Variants in RBPJ observed in about 807,000 individuals in gnomAD.
RBPJ encodes the protein recombining binding protein suppressor of hairless.
Under a neutral mutation model 67.8 loss-of-function variants are expected in RBPJ, and 9 were observed. That is an observed-to-expected ratio of 0.13 (90% confidence interval 0.08 to 0.23). The LOEUF is 0.23. Among genes scored for constraint, RBPJ ranks in the 10% least tolerant of loss-of-function variants. The pLI, the probability that RBPJ is intolerant of heterozygous loss-of-function variation, is 1.00. For missense variants in RBPJ, 305 were observed against 595.6 expected (o/e 0.51, Z 5.08); for synonymous variants, 198 against 203.3 (o/e 0.97, Z 0.22).
Position 26,231,796 on chromosome 4 carries a change from G to T in RBPJ, c.-167+68182G>T, listed in dbSNP as rs548061984. ...ACTCGTGACCTCAGGTGATCCACTC[G>T]CCTCAGCCTCCCAAAATGCTGGGAT... On this transcript the variant is annotated intron_variant, in intron 1 of 4. Transcript: ENST00000512351. 9.2e-5 allele frequency among the ~76,000 whole-genome samples: 14 copies of T among 151,838 alleles called. No individual in the cohort carries two copies. The South Asian group carries it at 2.9e-3, about 32-fold the overall frequency.
the RBPJ span, among the ~76,000 whole-genome samples, chr4:26,147,570 CAG>C: frequency 6.6e-6 from 1 of 152,166 alleles, no homozygotes. Flanking sequence ...GTTCAAATTT[CAG>C]AGAGTGAAAC....
intron 1 of RBPJ, among the ~76,000 whole-genome samples, chr4:26,221,177 G>A (rs1181368830): frequency 2.0e-5 from 3 of 152,180 alleles, no homozygotes; most frequent in African/African-American, 4.8e-5. Context: ...TGCAACCTCC[G>A]CCTCCTGGGT....
At chr4:26,121,928 T>C in the RBPJ span, among the ~76,000 whole-genome samples, 4 of 149,634 alleles carry the variant, frequency 2.7e-5, no homozygotes, top group African/African-American at 9.9e-5. Flanking sequence ...TTTTTCTTTT[T>C]AGGTAGTAAA....
the RBPJ span, among the ~76,000 whole-genome samples, chr4:26,133,519 G>C: frequency 1.1e-3 from 165 of 152,168 alleles, no homozygotes; most frequent in Non-Finnish European, 2.0e-3. Flanking sequence ...ATGGTCCATG[G>C]CCTGTTAGAA....
At chr4:26,233,597 G>A (rs1383549132) in intron 1 of RBPJ, among the ~76,000 whole-genome samples, 1 of 151,942 alleles carries the variant, frequency 6.6e-6, no homozygotes, top group Non-Finnish European at 1.5e-5. Flanking sequence ...CGTTATTATT[G>A]GGATCCTTAG....
upstream of RBPJ, among the ~76,000 whole-genome samples, chr4:26,317,165 T>A (rs1935323501): frequency 6.6e-6 from 1 of 151,534 alleles, no homozygotes; most frequent in African/African-American, 2.4e-5. Context: ...AAATGTTATG[T>A]TAGTTAATGA....
At chr4:26,243,247 T>C (rs775147793) in intron 1 of RBPJ, among the ~76,000 whole-genome samples, 2 of 151,998 alleles carry the variant, frequency 1.3e-5, no homozygotes, top group Non-Finnish European at 2.9e-5. Flanking sequence ...ATAATAATGA[T>C]AAAAAGTAAA....
rs142496184 is a variant in RBPJ at position 26,285,971 on chromosome 4, C to T, written c.-166-76475C>T. On this transcript the variant is annotated intron_variant, in intron 1 of 4. Transcript: ENST00000512351. ...CAAAAAATTATTTTTAAAAATTAGC[C>T]GGGCTTAGTGGCGTATGCCTGTAGT... is the stretch of plus-strand genomic sequence containing the variant. Among the ~76,000 whole-genome samples, 7 of 140,536 alleles carry T rather than the reference C, an allele frequency of 5.0e-5. No individual in the cohort carries two copies. In the East Asian group the frequency reaches 1.5e-3, roughly 30 times the overall value. 92.2% of individuals were successfully genotyped at this position (140,536 alleles called of 152,430 possible).
chr4:26,414,915 C>T (rs961711596), intron 3 of RBPJ, among the ~76,000 whole-genome samples: 18 of 152,154 alleles, frequency 1.2e-4, no homozygotes, highest in African/African-American at 4.3e-4. Flanking sequence ...AAACACAGCA[C>T]TGCTCATAAT....
chr4:26,242,406 C>T (rs1467454788), intron 1 of RBPJ, among the ~76,000 whole-genome samples: 6 of 149,110 alleles, frequency 4.0e-5, no homozygotes, highest in South Asian at 2.1e-4. Flanking sequence ...GAGATTGCGC[C>T]GCTGTACTCC....
chr4:26,296,448 C>T, intron 1 of RBPJ, among the ~76,000 whole-genome samples: 1 of 152,058 alleles, frequency 6.6e-6, no homozygotes, highest in East Asian at 1.9e-4. Flanking sequence ...TGATATTAAT[C>T]AGGTTCAATG....
Position 26,434,839 on chromosome 4 carries a change from T to C in RBPJ, c.*3832T>C, listed in dbSNP as rs1217460605. 1.3e-5 allele frequency: 2 copies of C among 152,196 alleles called. No individual in the cohort carries two copies. The highest frequency in any genetic ancestry group is 2.4e-5 in the African/African-American group (1 of 41,446). The allele number at this position is 152,196 out of a possible 1,614,324, so 9.4% of individuals were successfully genotyped here. A position where few individuals can be genotyped will look rare whatever the true frequency, so the allele number is the denominator to read the frequency against. The stretch of plus-strand genomic sequence containing the variant: ...AATTTTGTAGAAAAAAAGAATCTGC[T>C]CAGTTCCATATTTCATCCGTGAAAA... On this transcript the variant is annotated 3_prime_UTR_variant, in exon 11 of 11. Coordinates refer to ENST00000355476, the MANE Select transcript of RBPJ (RefSeq NM_015874.6).
At chr4:26,396,846 A>G (rs1264741982) in intron 2 of RBPJ, among the ~76,000 whole-genome samples, 1 of 152,244 alleles carries the variant, frequency 6.6e-6, no homozygotes, top group East Asian at 1.9e-4. Flanking sequence ...TTCCTTAGGA[A>G]CAGGACCTGT....
the RBPJ span, among the ~76,000 whole-genome samples, chr4:26,122,521 G>C: frequency 2.6e-5 from 4 of 152,174 alleles, no homozygotes; most frequent in African/African-American, 9.7e-5. Flanking sequence ...TTTGGAGGAA[G>C]ATATAGTGAT....
At chr4:26,205,582 T>TA (rs1553848525) in intron 1 of RBPJ, among the ~76,000 whole-genome samples, 2 of 151,968 alleles carry the variant, frequency 1.3e-5, no homozygotes, top group Non-Finnish European at 2.9e-5. Flanking sequence ...AGACACCATC[T>TA]AAAAAAAATT....
chr4:26,420,919 T>C, intron 5 of RBPJ, 194 bp downstream of exon 5: 1 of 528,892 alleles, frequency 1.9e-6, no homozygotes, highest in Middle Eastern at 4.7e-4. Context: ...TTAACCAGAG[T>C]TGGTTCCTTA....
chr4:26,175,550 C>T (rs1333488004), intron 1 of RBPJ, among the ~76,000 whole-genome samples: 1 of 152,222 alleles, frequency 6.6e-6, no homozygotes, highest in Non-Finnish European at 1.5e-5. Flanking sequence ...TAAAAATCAC[C>T]TCCAGGAAAG....
chr4:26,164,515 AT>A (rs1716191250), intron 1 of RBPJ, among the ~76,000 whole-genome samples: 1 of 152,304 alleles, frequency 6.6e-6, no homozygotes, highest in South Asian at 2.1e-4. Flanking sequence ...GCCAATTTTT[AT>A]TCTCTTCTTA....
At chr4:26,400,055 T>C (rs1377269509) in intron 2 of RBPJ, among the ~76,000 whole-genome samples, 3 of 152,206 alleles carry the variant, frequency 2.0e-5, no homozygotes, top group African/African-American at 7.2e-5. Flanking sequence ...CCTTATGTTT[T>C]AAAGTATTCA....
Sources: gnomAD v4.1 joint callset for allele counts (sites outside exome capture counted in the v4.1 genomes callset) on GRCh38, gnomAD v4.1.1 for gene constraint, MANE v1.5 for transcripts, NCBI Gene and HGNC (gene_info 2026-07-23, HGNC 2026-07-21) for gene names.